MYC: variants seen among roughly 807,000 people sequenced by gnomAD.
MYC encodes the protein myc proto-oncogene protein.
Under a neutral mutation model 30.5 loss-of-function variants are expected in MYC, and 1 was observed. The observed-to-expected ratio is 0.03, with a 90% CI of 0.01 to 0.16. MYC has a LOEUF of 0.16. Ranked by LOEUF, MYC falls within the 10% of genes least tolerant of loss-of-function variation. The pLI is 1.00. For synonymous variants in MYC, 267 were observed against 250.7 expected, an observed-to-expected ratio of 1.07 and a Z score of -0.62; for missense variants, 508 against 589.0, an observed-to-expected ratio of 0.86 and a Z score of 1.42.
chr8:127,742,186 A>G lies in MYC; in HGVS notation c.*1228A>G, dbSNP rs186907577. 1.3e-4 allele frequency among the ~76,000 whole-genome samples: 20 copies of G among 152,346 alleles called. No individual in the cohort carries two copies. The highest frequency in any genetic ancestry group is 4.3e-4 in the African/African-American group (18 of 41,590). Reference sequence around the variant, plus strand: ...ATTTGTGTCCCAAGCACTCCTAAGCATTTTATCCCTAACTCTACATCAACC... The same window carrying G: ...ATTTGTGTCCCAAGCACTCCTAAGCGTTTTATCCCTAACTCTACATCAACC... On this transcript the variant is annotated 3_prime_UTR_variant, in exon 3 of 3. Coordinates refer to ENST00000621592, the MANE Select transcript of MYC (RefSeq NM_002467.6).
rs1166451335 is a variant in MYC, at chr8:127,742,198, ACT to A, written c.*1243_*1244del. On this transcript the variant is annotated 3_prime_UTR_variant, in exon 3 of 3. Transcript: ENST00000621592. The stretch of plus-strand genomic sequence containing the variant: ...AGCACTCCTAAGCATTTTATCCCTA[ACT>A]CTACATCAACCCCATGAAGGAGATA... Among the ~76,000 whole-genome samples the A allele has an allele frequency of 2.6e-5, 4 of 152,170 alleles. No individual in the cohort carries two copies. Among genetic ancestry groups the A allele is most frequent in the Non-Finnish European group, 5.9e-5 (4 of 68,034 alleles).
Position 127,738,134 on chromosome 8 carries a change from G to A in MYC, c.31-114G>A, listed in dbSNP as rs1213056528. The A allele has an allele frequency of 1.5e-6, 2 of 1,307,588 alleles. No individual in the cohort carries two copies. Among genetic ancestry groups the A allele is most frequent in the South Asian group, 2.9e-5 (2 of 68,628 alleles). 81.0% of individuals were successfully genotyped at this position (1,307,588 alleles called of 1,614,324 possible). A position where few individuals can be genotyped will look rare whatever the true frequency, so the allele number is the denominator to read the frequency against. On this transcript the variant is annotated intron_variant, in intron 1 of 2. Transcript: ENST00000621592. This position sits in a 1 kb window ranked among gnomAD's most constrained non-coding sequence, Gnocchi z 7.6. ...GACCACCCAGCCGCTTTAGGGGATA[G>A]CTCTGCAAGGGGAGAGGTTCGGGAC...
intron 1 of MYC, among the ~76,000 whole-genome samples, chr8:127,736,960 G>A (rs1813602381): frequency 6.6e-6 from 1 of 152,234 alleles, no homozygotes; most frequent in South Asian, 2.1e-4. Flanking sequence ...TGGGTTTTGG[G>A]GGGCTGGGGG....
rs4645969 is a variant in MYC at position 127,740,955 on chromosome 8, G to A, written c.1362G>A (p.Ala454=). The change falls in exon 3 of 3, where the codon GCG becomes GCA. Residue 454 remains alanine (A), a synonymous_variant. Transcript: ENST00000621592. ...TTGAACAGCTACGGAACTCTTGTGC[G>A]TAAGGAAAAGTAAGGAAAACGATTC... The A allele has an allele frequency of 1.5e-5, 23 of 1,539,656 alleles. No homozygotes were observed. The highest frequency in any genetic ancestry group is 2.3e-5 in the East Asian group (1 of 44,324).
chr8:127,735,961 C>T (rs1813578182), upstream of MYC: 3 of 323,048 alleles, frequency 9.3e-6, no homozygotes, highest in Non-Finnish European at 1.7e-5. Flanking sequence ...CCCATAAGCG[C>T]CCCTCCCGGG....
intron 1 of MYC, among the ~76,000 whole-genome samples, chr8:127,737,427 C>A (rs1043781538): frequency 3.9e-5 from 6 of 152,340 alleles, no homozygotes; most frequent in Non-Finnish European, 7.3e-5. Flanking sequence ...TGCGGAGGAA[C>A]TGCGAGGAGC....
Position 127,740,994 on chromosome 8 carries a change from T to C in MYC, c.*36T>C. ...GGAAAACGATTCCTTCTAACAGAAA[T>C]GTCCTGAGCAATCACCTATGAACTT... On this transcript the variant is annotated 3_prime_UTR_variant, in exon 3 of 3. Coordinates refer to ENST00000621592, the MANE Select transcript of MYC (RefSeq NM_002467.6). 6.6e-7 allele frequency: 1 copy of C among 1,511,514 alleles called. No individual in the cohort carries two copies. The highest frequency in any genetic ancestry group is 2.3e-5 in the East Asian group (1 of 44,202). The allele number at this position is 1,511,514 out of a possible 1,614,324, so 93.6% of individuals were successfully genotyped here. A position where few individuals can be genotyped will look rare whatever the true frequency, so the allele number is the denominator to read the frequency against.
chr8:127,736,760 T>C (rs1730712746), intron 1 of MYC, 137 bp downstream of exon 1: 2 of 971,768 alleles, frequency 2.1e-6, no homozygotes, highest in African/African-American at 1.6e-5. Context: ...TTATGGTAAC[T>C]GGGGCTGGGG....
At position 127,738,298 on chromosome 8, in the gene MYC, T is replaced by C; in HGVS notation, c.81T>C (p.Tyr27=). The C allele has an allele frequency of 6.2e-7, 1 of 1,610,924 alleles. No homozygotes were observed. The highest frequency in any genetic ancestry group is 1.1e-5 in the South Asian group (1 of 90,876). The change falls in exon 2 of 3, where the codon TAT becomes TAC. Residue 27 remains tyrosine (Y), a synonymous_variant. Coordinates refer to ENST00000621592, the MANE Select transcript of MYC (RefSeq NM_002467.6). The surrounding 1 kb of genome is among the most constrained non-coding windows in gnomAD (Gnocchi z 7.6). ...ACGTTAGCTTCACCAACAGGAACTA[T>C]GACCTCGACTACGACTCGGTGCAGC...
chr8:127,738,158 A>G lies in MYC; in HGVS notation c.31-90A>G. On this transcript the variant is annotated intron_variant, in intron 1 of 2. Transcript: ENST00000621592. The surrounding 1 kb of genome is among the most constrained non-coding windows in gnomAD (Gnocchi z 7.6). ...AGCTCTGCAAGGGGAGAGGTTCGGG[A>G]CTGTGGCGCGCACTGCGCGCTGCGC... The G allele has an allele frequency of 6.9e-7, 1 of 1,459,072 alleles. No homozygotes were observed. The highest frequency in any genetic ancestry group is 9.2e-7 in the Non-Finnish European group (1 of 1,089,814). The allele number at this position is 1,459,072 out of a possible 1,614,324, so 90.4% of individuals were successfully genotyped here.
Position 127,738,954 on chromosome 8 carries a change from C to A in MYC, c.737C>A (p.Pro246Gln), listed in dbSNP as rs545330879. 7.6e-6 allele frequency: 12 copies of A among 1,589,114 alleles called. No individual in the cohort carries two copies. The highest frequency in any genetic ancestry group is 1.7e-5 in the Admixed American group (1 of 57,724). ...CTGCTCTCCTCGACGGAGTCCTCCCCGCAGGGCAGCCCCGAGCCCCTGGTG... is the reference window on the plus strand; with the variant it reads ...CTGCTCTCCTCGACGGAGTCCTCCCAGCAGGGCAGCCCCGAGCCCCTGGTG... Residue 246 changes from proline to glutamine, a missense_variant, in exon 2 of 3, where the codon CCG becomes CAG. Coordinates refer to ENST00000621592, the MANE Select transcript of MYC (RefSeq NM_002467.6). The surrounding 1 kb of genome is among the most constrained non-coding windows in gnomAD (Gnocchi z 7.6).
At position 127,738,731 on chromosome 8, in the gene MYC, A is replaced by G. The variant is rs755827927; in HGVS notation, c.514A>G (p.Lys172Glu). ...GCTGGCCTCCTACCAGGCTGCGCGC[A>G]AAGACAGCGGCAGCCCGAACCCCGC... Residue 172 changes from lysine to glutamate, a missense_variant, in exon 2 of 3, where the codon AAA becomes GAA. Coordinates refer to ENST00000621592, the MANE Select transcript of MYC (RefSeq NM_002467.6). The surrounding 1 kb of genome is among the most constrained non-coding windows in gnomAD (Gnocchi z 7.6). 1.2e-6 allele frequency: 2 copies of G among 1,613,740 alleles called. No homozygotes were observed. The highest frequency in any genetic ancestry group is 1.7e-6 in the Non-Finnish European group (2 of 1,179,874).
chr8:127,739,465 G>T (rs1404947363), intron 2 of MYC, among the ~76,000 whole-genome samples: 1 of 152,204 alleles, frequency 6.6e-6, no homozygotes, highest in Admixed American at 6.5e-5. Context: ...AAAATGAGGG[G>T]CTGTGTTTAG....
intron 2 of MYC, 136 bp downstream of exon 2, chr8:127,739,155 C>CT: frequency 1.0e-6 from 1 of 990,340 alleles, no homozygotes. Context: ...GAGCTCATCA[C>CT]CTCTGAAACC....
rs534850950 is a variant in MYC, at chr8:127,737,817, C to T, written c.31-431C>T. On this transcript the variant is annotated intron_variant, in intron 1 of 2. Coordinates refer to ENST00000621592, the MANE Select transcript of MYC (RefSeq NM_002467.6). ...CCGGCGCGGAGCGGGGTTCACGCAG[C>T]CGCTAGCGCCCAGGCGCCTCTCGCC... is the stretch of plus-strand genomic sequence containing the variant. Among the ~76,000 whole-genome samples, 651 of 152,222 alleles carry T rather than the reference C, an allele frequency of 4.3e-3. 4 individuals are homozygous for T. Among genetic ancestry groups the T allele is most frequent in the African/African-American group, 0.015 (625 of 41,524 alleles).
Position 127,741,110 on chromosome 8 carries a change from G to C in MYC, c.*152G>C. On this transcript the variant is annotated 3_prime_UTR_variant, in exon 3 of 3. Transcript: ENST00000621592. Reference sequence around the variant, plus strand: ...CCATAATGTAAACTGCCTCAAATTGGACTTTGGGCATAAAAGAACTTTTTT... The same window carrying C: ...CCATAATGTAAACTGCCTCAAATTGCACTTTGGGCATAAAAGAACTTTTTT... The C allele has an allele frequency of 1.7e-6, 1 of 593,460 alleles. No individual in the cohort carries two copies. The highest frequency in any genetic ancestry group is 2.5e-6 in the Non-Finnish European group (1 of 393,520). 36.8% of individuals were successfully genotyped at this position (593,460 alleles called of 1,614,324 possible).
rs1380596446 is a variant in MYC, at chr8:127,740,601, T to C, written c.1008T>C (p.Ala336=). ...CCTCCACTCGGAAGGACTATCCTGC[T>C]GCCAAGAGGGTCAAGTTGGACAGTG... Residue 336 remains alanine, a synonymous_variant, in exon 3 of 3, where the codon GCT becomes GCC. Transcript: ENST00000621592. 1 of 1,613,858 alleles carries C rather than the reference T, an allele frequency of 6.2e-7. No individual in the cohort carries two copies. Among genetic ancestry groups the C allele is most frequent in the Non-Finnish European group, 8.5e-7 (1 of 1,180,008 alleles).
At position 127,740,769 on chromosome 8, in the gene MYC, G is replaced by A. The variant is rs1031835714; in HGVS notation, c.1176G>A (p.Leu392=). The A allele has an allele frequency of 1.9e-6, 3 of 1,614,004 alleles. No individual in the cohort carries two copies. Among genetic ancestry groups the A allele is most frequent in the Non-Finnish European group, 2.5e-6 (3 of 1,180,010 alleles). The stretch of plus-strand genomic sequence containing the variant: ...AGCTAAAACGGAGCTTTTTTGCCCT[G>A]CGTGACCAGATCCCGGAGTTGGAAA... The change falls in exon 3 of 3, where the codon CTG becomes CTA. Residue 392 remains leucine, a synonymous_variant. Transcript: ENST00000621592.
In MYC at chr8:127,736,489, G is replaced by A. The variant is rs1813592088; in HGVS notation, c.-105G>A. The A allele has an allele frequency of 7.7e-6, 10 of 1,300,040 alleles. No homozygotes were observed. The highest frequency in any genetic ancestry group is 1.1e-5 in the Non-Finnish European group (10 of 913,594). 80.5% of individuals were successfully genotyped at this position (1,300,040 alleles called of 1,614,324 possible). A position where few individuals can be genotyped will look rare whatever the true frequency, so the allele number is the denominator to read the frequency against. ...GAACTTACAACACCCGAGCAAGGAC[G>A]CGACTCTCCCGACGCGGGGAGGCTA... On this transcript the variant is annotated 5_prime_UTR_variant, in exon 1 of 3. Transcript: ENST00000621592.
Sources: gnomAD v4.1 joint callset for allele counts (sites outside exome capture counted in the v4.1 genomes callset) on GRCh38, gnomAD v4.1.1 for gene constraint, Gnocchi (gnomAD v3.1) non-coding constraint, MANE v1.5 for transcripts, NCBI Gene and HGNC (gene_info 2026-07-23, HGNC 2026-07-21) for gene names.